FDX1: variants seen among roughly 807,000 people sequenced by gnomAD.
FDX1 encodes the protein adrenodoxin, mitochondrial.
Under a neutral mutation model 14.9 loss-of-function variants are expected in FDX1, and 9 were observed. The observed-to-expected ratio is 0.60, with a 90% CI of 0.36 to 1.05. The LOEUF is 1.05. Among genes scored for constraint, FDX1 ranks in the 50% least tolerant of loss-of-function variants. The pLI is 0.01. For missense variants in FDX1, 204 were observed against 237.2 expected (o/e 0.86, Z 0.92); for synonymous variants, 92 against 99.4 (o/e 0.93, Z 0.44).
At chr11:110,434,334 AT>A (rs1555068018) in intron 1 of FDX1, among the ~76,000 whole-genome samples, 166 of 126,366 alleles carry the variant, frequency 1.3e-3, no homozygotes, top group East Asian at 2.0e-3. Flanking sequence ...CGCCCTATTG[AT>A]TTTTTTTTTT....
intron 3 of FDX1, among the ~76,000 whole-genome samples, chr11:110,461,126 C>A (rs1946553845): frequency 6.6e-6 from 1 of 152,130 alleles, no homozygotes; most frequent in Non-Finnish European, 1.5e-5. Flanking sequence ...AGTCTTATCA[C>A]TTAACATATT....
At position 110,433,796 on chromosome 11, in the gene FDX1, T is replaced by C. The variant is rs530724303; in HGVS notation, c.186-2038T>C. ...AATAGAATCCTGTTTTTTTTCCCAG[T>C]GTTATAATATTAGGGAGGGCATTAT... On this transcript the variant is annotated intron_variant, in intron 1 of 3. Transcript: ENST00000260270. Among the ~76,000 whole-genome samples, 28 of 152,274 alleles carry C rather than the reference T, an allele frequency of 1.8e-4. 1 individual carries two copies. The highest frequency in any genetic ancestry group is 6.8e-3 in the Middle Eastern group (2 of 294).
intron 2 of FDX1, among the ~76,000 whole-genome samples, chr11:110,437,257 G>T (rs1946376241): frequency 6.6e-6 from 1 of 152,182 alleles, no homozygotes; most frequent in African/African-American, 2.4e-5. Flanking sequence ...GCCTCCCAAA[G>T]TGCTGGCATT....
intron 2 of FDX1, among the ~76,000 whole-genome samples, chr11:110,451,629 G>A (rs538192783): frequency 1.1e-4 from 16 of 152,226 alleles, no homozygotes; most frequent in African/African-American, 1.9e-4. Context: ...ATAAAAATAC[G>A]TGCATGTATA....
chr11:110,446,643 C>T (rs192258138), intron 2 of FDX1, among the ~76,000 whole-genome samples: 3 of 152,306 alleles, frequency 2.0e-5, no homozygotes, highest in East Asian at 1.9e-4. Flanking sequence ...AACCTGAAAC[C>T]GTAGAGCACC....
In FDX1 at chr11:110,457,642, T is replaced by C. The variant is rs1012480794; in HGVS notation, c.440+595T>C. 4.6e-5 allele frequency among the ~76,000 whole-genome samples: 7 copies of C among 152,186 alleles called. No homozygotes were observed. In the East Asian group the frequency reaches 1.3e-3, roughly 29 times the overall value. ...AGTCAATGAAGGTAGCTAGCTGATA[T>C]ACTATTTCAAGGGGTAAGATAATGA... On this transcript the variant is annotated intron_variant, in intron 3 of 3. Transcript: ENST00000260270.
At chr11:110,461,817 A>G (rs1175853747) in intron 3 of FDX1, among the ~76,000 whole-genome samples, 1 of 152,212 alleles carries the variant, frequency 6.6e-6, no homozygotes, top group African/African-American at 2.4e-5. Context: ...GTAAGATTCC[A>G]TTGATTTTAA....
chr11:110,462,110 A>G (rs1418944168), intron 3 of FDX1, among the ~76,000 whole-genome samples: 1 of 152,208 alleles, frequency 6.6e-6, no homozygotes, highest in Admixed American at 6.5e-5. Context: ...GTTAATAGAT[A>G]ATAGGAACCA....
intron 2 of FDX1, among the ~76,000 whole-genome samples, chr11:110,436,272 A>G (rs1042087372): frequency 1.3e-5 from 2 of 152,226 alleles, no homozygotes; most frequent in African/African-American, 4.8e-5. Flanking sequence ...AATAAATGTC[A>G]TAGCACAGAG....
intron 1 of FDX1, 67 bp downstream of exon 1, chr11:110,430,372 C>G: frequency 8.4e-6 from 9 of 1,069,374 alleles, no homozygotes; most frequent in Non-Finnish European, 1.1e-5. Context: ...GCCTGGCTCT[C>G]TGGGCCGAGT....
At chr11:110,434,024 A>T (rs1003509507) in intron 1 of FDX1, among the ~76,000 whole-genome samples, 1 of 152,226 alleles carries the variant, frequency 6.6e-6, no homozygotes, top group Admixed American at 6.5e-5. Context: ...TGAGGTAAAA[A>T]TTAAAATGAC....
At chr11:110,458,372 T>G (rs1296258909) in intron 3 of FDX1, among the ~76,000 whole-genome samples, 1 of 152,166 alleles carries the variant, frequency 6.6e-6, no homozygotes, top group Non-Finnish European at 1.5e-5. Context: ...GTACACAGCA[T>G]TTTAGTAGAA....
intron 2 of FDX1, among the ~76,000 whole-genome samples, chr11:110,440,383 A>G (rs1946397820): frequency 6.6e-6 from 1 of 152,276 alleles, no homozygotes; most frequent in Middle Eastern, 3.4e-3. Context: ...TAACTCCTCA[A>G]TATAGGCGGT....
intron 1 of FDX1, 138 bp downstream of exon 1, chr11:110,430,443 C>G (rs551237718): frequency 9.5e-5 from 48 of 503,646 alleles, no homozygotes; most frequent in Non-Finnish European, 1.4e-4. Context: ...CTCTCGCCCC[C>G]CTCTTCTGGG....
chr11:110,443,787 T>C (rs1225951955), intron 2 of FDX1, among the ~76,000 whole-genome samples: 3 of 151,994 alleles, frequency 2.0e-5, no homozygotes, highest in African/African-American at 7.2e-5. Context: ...TGGTATCTCA[T>C]TGTGGTTTTG....
chr11:110,459,751 C>T (rs904574114), intron 3 of FDX1, among the ~76,000 whole-genome samples: 2 of 152,156 alleles, frequency 1.3e-5, no homozygotes, highest in Admixed American at 1.3e-4. Context: ...TTGTTTGTCT[C>T]CTTCTCTAGA....
At chr11:110,461,168 T>C (rs930052887) in intron 3 of FDX1, among the ~76,000 whole-genome samples, 5 of 152,178 alleles carry the variant, frequency 3.3e-5, no homozygotes, top group Non-Finnish European at 7.3e-5. Flanking sequence ...TTTAGACTTA[T>C]CTAGACATAG....
chr11:110,461,737 C>G (rs1946558075), intron 3 of FDX1, among the ~76,000 whole-genome samples: 1 of 152,080 alleles, frequency 6.6e-6, no homozygotes, highest in Non-Finnish European at 1.5e-5. Context: ...GTTGAAGAGA[C>G]CCCTGTATGA....
At chr11:110,455,107 A>G (rs1946513751) in intron 2 of FDX1, among the ~76,000 whole-genome samples, 1 of 152,132 alleles carries the variant, frequency 6.6e-6, no homozygotes, top group Admixed American at 6.5e-5. Context: ...CCCAGGTTCA[A>G]GTGATTCTTC....
Sources: allele counts gnomAD v4.1 joint callset (sites outside exome capture counted in the v4.1 genomes callset), GRCh38; gene constraint gnomAD v4.1.1; transcripts MANE v1.5; gene names NCBI Gene and HGNC (gene_info 2026-07-23, HGNC 2026-07-21).